The following MAU2 variants were observed in gnomAD, a reference collection of about 807,000 sequenced individuals.
MAU2 encodes MAU2 chromatid cohesion factor homolog.
Under a neutral mutation model 89.1 loss-of-function variants are expected in MAU2, and 9 were observed. That is an observed-to-expected ratio of 0.10 (90% CI 0.06 to 0.18). MAU2 has a LOEUF of 0.18. Among genes scored for constraint, MAU2 ranks in the 10% least tolerant of loss-of-function variants. The pLI, the probability that MAU2 is intolerant of heterozygous loss-of-function variation, is 1.00. For synonymous variants in MAU2, 357 were observed against 343.4 expected, an observed-to-expected ratio of 1.04 and a Z score of -0.44; for missense variants, 425 against 803.5, an observed-to-expected ratio of 0.53 and a Z score of 5.69.
intron 5 of MAU2, among the ~76,000 whole-genome samples, chr19:19,340,018 A>C (rs2061628524): frequency 6.6e-6 from 1 of 152,020 alleles, no homozygotes; most frequent in Non-Finnish European, 1.5e-5. Context: ...ACAAAAAATT[A>C]GCTGGGCATG....
At chr19:19,340,455 C>T (rs1057203317) in intron 5 of MAU2, among the ~76,000 whole-genome samples, 3 of 151,314 alleles carry the variant, frequency 2.0e-5, no homozygotes, top group Non-Finnish European at 2.9e-5. Context: ...CTGGCTAACA[C>T]GGTGAAATTC....
chr19:19,337,962 C>G (rs2061610908), intron 4 of MAU2, among the ~76,000 whole-genome samples: 1 of 152,202 alleles, frequency 6.6e-6, no homozygotes, highest in African/African-American at 2.4e-5. Flanking sequence ...TGGGCTCCAC[C>G]CATACTTCTG....
chr19:19,337,932 G>T (rs1368079774), intron 4 of MAU2, among the ~76,000 whole-genome samples: 1 of 152,198 alleles, frequency 6.6e-6, no homozygotes, highest in South Asian at 2.1e-4. Flanking sequence ...GCTCCACCAC[G>T]TGGGGCACCT....
rs751217174 is a variant in MAU2, at chr19:19,349,338, G to C, written c.1450G>C (p.Glu484Gln). ...RYNEAKRFLR[E>Q]TLKMSNAEDL... is the part of the protein sequence containing the mutation. Reference sequence around the variant, plus strand: ...TCTCCTTGTCAGGCGATTTCTGCGGGAAACTCTGAAGATGTCCAATGCTGA... The same window carrying C: ...TCTCCTTGTCAGGCGATTTCTGCGGCAAACTCTGAAGATGTCCAATGCTGA... The change falls in exon 16 of 19, where the codon GAA becomes CAA. Residue 484 changes from glutamate to glutamine, a missense_variant. Physicochemically the swap from Glu to Gln is conservative, Grantham distance 29 (BLOSUM62 2). Coordinates refer to ENST00000262815, the MANE Select transcript of MAU2 (RefSeq NM_015329.4). 6.2e-7 allele frequency: 1 copy of C among 1,614,174 alleles called. No individual in the cohort carries two copies. The highest frequency in any genetic ancestry group is 8.5e-7 in the Non-Finnish European group (1 of 1,180,014).
At chr19:19,325,526 C>A (rs2061496852) in intron 1 of MAU2, among the ~76,000 whole-genome samples, 1 of 152,080 alleles carries the variant, frequency 6.6e-6, no homozygotes, top group Non-Finnish European at 1.5e-5. Flanking sequence ...ATTACCCAGG[C>A]TGGAGTGCAG....
At chr19:19,342,943 G>C (rs924263091) in intron 9 of MAU2, 77 bp downstream of exon 9, 1 of 1,493,056 alleles carries the variant, frequency 6.7e-7, no homozygotes, top group African/African-American at 1.4e-5. Flanking sequence ...AGCTGTACCA[G>C]GGCCCAGTGA....
At chr19:19,323,260 T>G (rs956320711) in intron 1 of MAU2, among the ~76,000 whole-genome samples, 13 of 151,254 alleles carry the variant, frequency 8.6e-5, no homozygotes, top group Non-Finnish European at 1.3e-4. Flanking sequence ...AGTGGCGCGG[T>G]CTTGGCTCAC....
At chr19:19,340,219 G>T (rs1240274294) in intron 5 of MAU2, among the ~76,000 whole-genome samples, 1 of 151,384 alleles carries the variant, frequency 6.6e-6, no homozygotes, top group Non-Finnish European at 1.5e-5. Context: ...TGTAGTCCCA[G>T]GTGCTCAGGA....
Position 19,343,771 on chromosome 19 carries a change from C to T in MAU2, c.974-66C>T, listed in dbSNP as rs957044696. 1.0e-4 allele frequency: 128 copies of T among 1,227,458 alleles called. 1 individual carries two copies. The highest frequency in any genetic ancestry group is 1.2e-4 in the Non-Finnish European group (101 of 837,020). 76.0% of individuals were successfully genotyped at this position (1,227,458 alleles called of 1,614,324 possible). ...AGGAGACAGGAACGAGGTGGGGGCA[C>T]GGTGGGCTGGGGGTGGCGCCTCCTC... On this transcript the variant is annotated intron_variant, in intron 9 of 18. Coordinates refer to ENST00000262815, the MANE Select transcript of MAU2 (RefSeq NM_015329.4).
chr19:19,333,151 G>A (rs1270177698), intron 1 of MAU2, among the ~76,000 whole-genome samples: 3 of 151,832 alleles, frequency 2.0e-5, no homozygotes, highest in Non-Finnish European at 2.9e-5. Context: ...TGAATAGATT[G>A]ATGTTAGCCA....
rs2048154072 is a variant in MAU2 at position 19,354,460 on chromosome 19, C to T, written c.1639+15C>T. 1.2e-6 allele frequency: 2 copies of T among 1,607,174 alleles called. No homozygotes were observed. On this transcript the variant is annotated intron_variant, in intron 17 of 18. Transcript: ENST00000262815. ...ACTGCTGAGAGGTGAGTGCAATGGC[C>T]ACCCCTCTTCCCCAGCCCCAGCCTG...
intron 1 of MAU2, 32 bp from the exon 2 acceptor site, chr19:19,335,686 G>A: frequency 6.2e-7 from 1 of 1,613,852 alleles, no homozygotes; most frequent in Non-Finnish European, 8.5e-7. Flanking sequence ...GTGTTTGCCT[G>A]AGAATTAATC....
At chr19:19,344,630 A>G in intron 10 of MAU2, 1 of 589,092 alleles carries the variant, frequency 1.7e-6, no homozygotes, top group Non-Finnish European at 3.0e-6. Context: ...CACCTGTTGG[A>G]CAGAGTGGAA....
chr19:19,321,374 GC>G (rs1946858244), intron 1 of MAU2, among the ~76,000 whole-genome samples: 1 of 152,184 alleles, frequency 6.6e-6, no homozygotes, highest in South Asian at 2.1e-4. Context: ...GGCTCCAGGA[GC>G]CCCGTCACCG....
rs2048202077 is a variant in MAU2 at position 19,358,337 on chromosome 19, T to C, written c.*2555T>C. ...CCTACAGCAGGAAGTGAGGCTGCCA[T>C]GTTTCCTTGAGACACAGCTGCCTCT... On this transcript the variant is annotated 3_prime_UTR_variant, in exon 19 of 19. Transcript: ENST00000262815. The C allele has an allele frequency of 6.6e-6, 1 of 152,218 alleles. No homozygotes were observed. Among genetic ancestry groups the C allele is most frequent in the Non-Finnish European group, 1.5e-5 (1 of 68,088 alleles). The allele number at this position is 152,218 out of a possible 1,614,324, so 9.4% of individuals were successfully genotyped here.
chr19:19,321,299 C>T lies in MAU2; in HGVS notation c.276+164C>T, dbSNP rs139271543. ...ACCCGCCTCTGCCGGACCCCAAAGC[C>T]ACCAGCCTCTCAAGGGACACGAAAG... On this transcript the variant is annotated intron_variant, in intron 1 of 18. Transcript: ENST00000262815. 4.4e-3 allele frequency among the ~76,000 whole-genome samples: 677 copies of T among 152,312 alleles called. 3 individuals carry two copies. Among genetic ancestry groups the T allele is most frequent in the South Asian group, 0.031 (149 of 4,828 alleles).
intron 1 of MAU2, among the ~76,000 whole-genome samples, chr19:19,335,214 A>G (rs1329583415): frequency 1.3e-5 from 2 of 152,120 alleles, no homozygotes; most frequent in African/African-American, 4.8e-5. Context: ...GACTTTGCTT[A>G]TAGCCAAGCA....
rs1599916576 is a variant in MAU2, at chr19:19,344,249, T to C, written c.1077+309T>C. On this transcript the variant is annotated intron_variant, in intron 10 of 18. Transcript: ENST00000262815. The stretch of plus-strand genomic sequence containing the variant: ...CAACATGGCGAAACCCCGCCTCTAC[T>C]AAAAATATAAAAATTAGCCAGGTGT... The C allele has an allele frequency of 1.2e-5, 4 of 324,588 alleles. No homozygotes were observed. In the East Asian group the frequency reaches 2.4e-4, roughly 20 times the overall value. 20.1% of individuals were successfully genotyped at this position (324,588 alleles called of 1,614,324 possible). A position where few individuals can be genotyped will look rare whatever the true frequency, so the allele number is the denominator to read the frequency against.
chr19:19,335,700 G>A lies in MAU2; in HGVS notation c.277-18G>A, dbSNP rs1364477169. The A allele has an allele frequency of 6.2e-7, 1 of 1,614,084 alleles. No individual in the cohort carries two copies. Among genetic ancestry groups the A allele is most frequent in the Non-Finnish European group, 8.5e-7 (1 of 1,179,950 alleles). ...GGTGTTTGCCTGAGAATTAATCGTTGTTTTCTTTCTTTTTCAGTGGTTGAT... is the reference window on the plus strand; with the variant it reads ...GGTGTTTGCCTGAGAATTAATCGTTATTTTCTTTCTTTTTCAGTGGTTGAT... On this transcript the variant is annotated intron_variant, in intron 1 of 18. Coordinates refer to ENST00000262815, the MANE Select transcript of MAU2 (RefSeq NM_015329.4).
Sources: allele counts gnomAD v4.1 joint callset (sites outside exome capture counted in the v4.1 genomes callset), GRCh38; gene constraint gnomAD v4.1.1; transcripts MANE v1.5; gene names NCBI Gene and HGNC (gene_info 2026-07-23, HGNC 2026-07-21).